The following PTBP3 variants were observed in gnomAD, a reference collection of about 807,000 sequenced individuals.
PTBP3 encodes the protein polypyrimidine tract binding protein 3.
Under a neutral mutation model 58.7 loss-of-function variants are expected in PTBP3, and 20 were observed. That is an observed-to-expected ratio of 0.34 (90% CI 0.24 to 0.50). The LOEUF is 0.50. PTBP3 is among the 20% of genes least tolerant of loss of function. The pLI, the probability that PTBP3 is intolerant of heterozygous loss-of-function variation, is 0.98. For missense variants in PTBP3, 509 were observed against 637.2 expected, an observed-to-expected ratio of 0.80 and a Z score of 2.17; for synonymous variants, 185 against 219.8, an observed-to-expected ratio of 0.84 and a Z score of 1.40.
At chr9:112,376,197 ACGTGTGTGTGTGTGTGTGTGTGTGTGTG>A in the PTBP3 span, among the ~76,000 whole-genome samples, 2 of 112,112 alleles carry the variant, frequency 1.8e-5, no homozygotes, top group African/African-American at 3.9e-5. Flanking sequence ...TTCCTTATAT[ACGTGTGTGTGTGTGTGTGTGTGTGTGTG>A]TGTGTGTGTG....
the PTBP3 span, chr9:112,362,810 C>T: frequency 3.2e-6 from 1 of 311,344 alleles, no homozygotes; most frequent in Non-Finnish European, 6.1e-6. Flanking sequence ...CAAAATTAAG[C>T]ATAACCGGTG....
intron 1 of PTBP3, among the ~76,000 whole-genome samples, chr9:112,327,811 A>C (rs921506728): frequency 8.6e-5 from 13 of 151,804 alleles, no homozygotes; most frequent in African/African-American, 3.1e-4. Flanking sequence ...AAAAAAAAAA[A>C]ACACTAGCAA....
intron 2 of PTBP3, among the ~76,000 whole-genome samples, chr9:112,281,633 A>T (rs1448315709): frequency 6.6e-6 from 1 of 152,126 alleles, no homozygotes; most frequent in South Asian, 2.1e-4. Context: ...GATTGGTATT[A>T]TTTATTCCTT....
chr9:112,240,132 G>A (rs959347032), intron 7 of PTBP3, among the ~76,000 whole-genome samples: 8 of 152,120 alleles, frequency 5.3e-5, no homozygotes, highest in African/African-American at 1.9e-4. Flanking sequence ...AAAAAAGATG[G>A]TATAGGGCCT....
chr9:112,369,200 C>G, the PTBP3 span, among the ~76,000 whole-genome samples: 6 of 152,212 alleles, frequency 3.9e-5, no homozygotes, highest in Non-Finnish European at 7.3e-5. Context: ...CACAGAGTCC[C>G]CACTGGGATA....
rs1278052746 is a variant in PTBP3 at position 112,219,052 on chromosome 9, GTCTAT to G, written c.*4794_*4798del. The G allele has an allele frequency of 1.3e-5, 2 of 152,450 alleles. No individual in the cohort carries two copies. The highest frequency in any genetic ancestry group is 2.4e-5 in the African/African-American group (1 of 41,388). 9.4% of individuals were successfully genotyped at this position (152,450 alleles called of 1,614,324 possible). ...CTGAAACTCACATTTTCTCTAAGTA[GTCTAT>G]TCAGCAGTAGAAATTGAAAGTAAAG... is the stretch of plus-strand genomic sequence containing the variant. On this transcript the variant is annotated 3_prime_UTR_variant, in exon 14 of 14. Coordinates refer to ENST00000374257, the MANE Select transcript of PTBP3 (RefSeq NM_001163788.4).
At position 112,222,304 on chromosome 9, in the gene PTBP3, ACT is replaced by A. The variant is rs1236355323; in HGVS notation, c.*1545_*1546del. 10 of 975,358 alleles carry A rather than the reference ACT, an allele frequency of 1.0e-5. No individual in the cohort carries two copies. Among genetic ancestry groups the A allele is most frequent in the Non-Finnish European group, 3.7e-6 (3 of 820,504 alleles). The allele number at this position is 975,358 out of a possible 1,614,324, so 60.4% of individuals were successfully genotyped here. On this transcript the variant is annotated 3_prime_UTR_variant, in exon 14 of 14. Coordinates refer to ENST00000374257, the MANE Select transcript of PTBP3 (RefSeq NM_001163788.4). ...AATCACTGAAGCAACATTAAAATGT[ACT>A]CTTACATTCAATGAAAAAGAGAGGG...
At chr9:112,268,316 A>G in intron 3 of PTBP3, 121 bp from the exon 4 acceptor site, 6 of 945,132 alleles carry the variant, frequency 6.3e-6, no homozygotes, top group Non-Finnish European at 7.3e-6. Context: ...CATTTCCCCC[A>G]AGGGGAGGGA....
At chr9:112,312,300 T>C (rs1023182594) in intron 1 of PTBP3, among the ~76,000 whole-genome samples, 10 of 151,866 alleles carry the variant, frequency 6.6e-5, no homozygotes, top group African/African-American at 2.4e-5. Context: ...CTGGGCAACA[T>C]AGTGAGACCC....
intron 3 of PTBP3, among the ~76,000 whole-genome samples, chr9:112,270,648 A>T (rs1054237826): frequency 1.3e-5 from 2 of 152,210 alleles, no homozygotes; most frequent in Non-Finnish European, 2.9e-5. Context: ...ATCTTAAGTT[A>T]CTAAGAATTC....
At chr9:112,362,284 G>A in the PTBP3 span, among the ~76,000 whole-genome samples, 10 of 152,186 alleles carry the variant, frequency 6.6e-5, no homozygotes, top group African/African-American at 2.4e-4. Context: ...GAGCAACAAA[G>A]TAAGACCCTG....
At chr9:112,361,957 A>C in the PTBP3 span, among the ~76,000 whole-genome samples, 3 of 151,976 alleles carry the variant, frequency 2.0e-5, no homozygotes, top group African/African-American at 7.3e-5. Context: ...GTGGAATCTC[A>C]TTGTGGTTTT....
At chr9:112,267,440 C>T (rs896212454) in intron 4 of PTBP3, among the ~76,000 whole-genome samples, 2 of 152,016 alleles carry the variant, frequency 1.3e-5, no homozygotes, top group East Asian at 3.9e-4. Flanking sequence ...CCGCGCCCGG[C>T]CAAAAACCAC....
the PTBP3 span, among the ~76,000 whole-genome samples, chr9:112,376,124 C>T: frequency 2.2e-5 from 3 of 139,260 alleles, no homozygotes; most frequent in Non-Finnish European, 4.5e-5. Context: ...ACTTCTGGTA[C>T]CAAAATCCGT....
chr9:112,261,914 T>C (rs1194367679), intron 5 of PTBP3, among the ~76,000 whole-genome samples: 1 of 152,240 alleles, frequency 6.6e-6, no homozygotes, highest in Non-Finnish European at 1.5e-5. Flanking sequence ...TCTTAAATTC[T>C]ACATATTACT....
At chr9:112,336,575 AGT>A (rs1373018453), upstream of PTBP3, among the ~76,000 whole-genome samples, 1 of 152,034 alleles carries the variant, frequency 6.6e-6, no homozygotes, top group Non-Finnish European at 1.5e-5. Flanking sequence ...TGAGCTCAGC[AGT>A]GTGAGACCAG....
chr9:112,309,529 A>C (rs572635468), intron 1 of PTBP3, among the ~76,000 whole-genome samples: 2 of 152,276 alleles, frequency 1.3e-5, no homozygotes, highest in African/African-American at 4.8e-5. Context: ...TCACTCCTGT[A>C]ATCCCAGCAC....
intron 1 of PTBP3, among the ~76,000 whole-genome samples, chr9:112,307,806 A>G (rs867833847): frequency 6.6e-6 from 1 of 152,236 alleles, no homozygotes; most frequent in Non-Finnish European, 1.5e-5. Flanking sequence ...AAGATGAGGA[A>G]AACAGAGTTA....
At chr9:112,259,249 G>C (rs1836495214) in intron 5 of PTBP3, among the ~76,000 whole-genome samples, 1 of 151,990 alleles carries the variant, frequency 6.6e-6, no homozygotes. Flanking sequence ...CACCACACCT[G>C]GCCAGTTTAT....
Sources: gnomAD v4.1 joint callset for allele counts (sites outside exome capture counted in the v4.1 genomes callset) on GRCh38, gnomAD v4.1.1 for gene constraint, MANE v1.5 for transcripts, NCBI Gene and HGNC (gene_info 2026-07-23, HGNC 2026-07-21) for gene names.